PCDHGA5: variants seen among roughly 807,000 people sequenced by gnomAD.
PCDHGA5 encodes protocadherin gamma-A5.
PCDHGA5 carries 36 observed loss-of-function variants against 56.7 expected under a neutral mutation model. The ratio of observed to expected loss-of-function variants is 0.64; its 90% CI spans 0.49 to 0.84. PCDHGA5 has a LOEUF of 0.84. Among genes scored for constraint, PCDHGA5 ranks in the 40% least tolerant of loss-of-function variants. PCDHGA5 has a pLI of 0.00. For synonymous variants in PCDHGA5, 563 were observed against 520.2 expected, an observed-to-expected ratio of 1.08 and a Z score of -1.12; for missense variants, 1,305 against 1,201.5, an observed-to-expected ratio of 1.09 and a Z score of -1.27.
rs142172414 is a variant in PCDHGA5, at chr5:141,477,145, G to A, written c.2422-17662G>A. On this transcript the variant is annotated intron_variant, in intron 1 of 3. Coordinates refer to ENST00000518069, the MANE Select transcript of PCDHGA5 (RefSeq NM_018918.3). The surrounding 1 kb of genome is among the most constrained non-coding windows in gnomAD (Gnocchi z 4.9). ...ATTGCAAAGTGTTGGTGGAGGTTGT[G>A]GATGTGAATGACAACGCCCCGGAGA... The A allele has an allele frequency of 3.7e-6, 6 of 1,614,054 alleles. No homozygotes were observed. The African/African-American group carries it at 8.0e-5, about 22-fold the overall frequency.
chr5:141,486,278 G>A lies in PCDHGA5; in HGVS notation c.2422-8529G>A. The A allele has an allele frequency of 1.2e-6, 2 of 1,614,088 alleles. No individual in the cohort carries two copies. Among genetic ancestry groups the A allele is most frequent in the South Asian group, 2.2e-5 (2 of 91,068 alleles). On this transcript the variant is annotated intron_variant, in intron 1 of 3. Transcript: ENST00000518069. This position sits in a 1 kb window ranked among gnomAD's most constrained non-coding sequence, Gnocchi z 5.0. The stretch of plus-strand genomic sequence containing the variant: ...CGAGAGTGCAGAACCTGGCACTGTG[G>A]TGGCACTTATCAGTGTGCAGGATCC...
rs752011641 is a variant in PCDHGA5 at position 141,490,299 on chromosome 5, C to T, written c.2422-4508C>T. 1.2e-6 allele frequency: 2 copies of T among 1,614,068 alleles called. No homozygotes were observed. Among genetic ancestry groups the T allele is most frequent in the East Asian group, 2.2e-5 (1 of 44,896 alleles). Reference sequence around the variant, plus strand: ...ACAATGCCCCAGAGGTGCTATTGGCCTCTTTGGCCAACCCTGTCCTAGAGA... The same window carrying T: ...ACAATGCCCCAGAGGTGCTATTGGCTTCTTTGGCCAACCCTGTCCTAGAGA... On this transcript the variant is annotated intron_variant, in intron 1 of 3. Coordinates refer to ENST00000518069, the MANE Select transcript of PCDHGA5 (RefSeq NM_018918.3). The surrounding 1 kb of genome is among the most constrained non-coding windows in gnomAD (Gnocchi z 5.4).
At chr5:141,463,844 G>T (rs545618795) in intron 1 of PCDHGA5, among the ~76,000 whole-genome samples, 1 of 152,140 alleles carries the variant, frequency 6.6e-6, no homozygotes, top group African/African-American at 2.4e-5. Context: ...AGTTGTTATA[G>T]TGGTATATCT....
At chr5:141,482,239 A>G (rs529504334) in intron 1 of PCDHGA5, among the ~76,000 whole-genome samples, 31 of 152,332 alleles carry the variant, frequency 2.0e-4, no homozygotes, top group Middle Eastern at 3.4e-3. Context: ...TGCCAATATA[A>G]GTATAGTACT....
intron 1 of PCDHGA5, chr5:141,392,409 A>G (rs1308940731): frequency 6.4e-6 from 1 of 156,720 alleles, no homozygotes; most frequent in African/African-American, 2.4e-5. Context: ...ACTAAATAAA[A>G]CCTTCATCTC....
chr5:141,452,701 G>A (rs2098747163), intron 1 of PCDHGA5, among the ~76,000 whole-genome samples: 1 of 151,838 alleles, frequency 6.6e-6, no homozygotes, highest in Non-Finnish European at 1.5e-5. Context: ...TGTCAAGAAA[G>A]AAAGGAAGGA....
intron 1 of PCDHGA5, among the ~76,000 whole-genome samples, chr5:141,434,195 T>C (rs1561872734): frequency 6.6e-6 from 1 of 151,916 alleles, no homozygotes; most frequent in Non-Finnish European, 1.5e-5. Flanking sequence ...AATTCCAATG[T>C]ACTTACTTCT....
chr5:141,404,075 G>C (rs2154534954), intron 1 of PCDHGA5: 2 of 1,613,660 alleles, frequency 1.2e-6, no homozygotes, highest in East Asian at 2.2e-5. Flanking sequence ...TCATGACCGA[G>C]ACTCCGGGAA....
chr5:141,416,130 C>T (rs907950687), intron 1 of PCDHGA5: 1 of 154,098 alleles, frequency 6.5e-6, no homozygotes, highest in African/African-American at 2.4e-5. Context: ...ATATATTTTT[C>T]AATCTATACT....
intron 1 of PCDHGA5, chr5:141,408,319 G>T: frequency 6.2e-7 from 1 of 1,613,896 alleles, no homozygotes; most frequent in Non-Finnish European, 8.5e-7. Context: ...CGATTCCGGA[G>T]GAGCTGGCCA....
In PCDHGA5 at chr5:141,365,492, A is replaced by G; in HGVS notation, c.1162A>G (p.Arg388Gly). ...ENGEIACSIP[R>G]NLPFKLEKSV... ...TGGTGAGATTGCATGCTCTATTCCT[A>G]GGAATTTGCCTTTTAAATTGGAGAA... is the stretch of plus-strand genomic sequence containing the variant. The change falls in exon 1 of 4, where the codon AGG becomes GGG. Residue 388 changes from arginine to glycine, a missense_variant. Coordinates refer to ENST00000518069, the MANE Select transcript of PCDHGA5 (RefSeq NM_018918.3). 6.2e-7 allele frequency: 1 copy of G among 1,613,970 alleles called. No individual in the cohort carries two copies. The highest frequency in any genetic ancestry group is 8.5e-7 in the Non-Finnish European group (1 of 1,179,878).
At chr5:141,452,076 G>A (rs978382005) in intron 1 of PCDHGA5, among the ~76,000 whole-genome samples, 3 of 152,092 alleles carry the variant, frequency 2.0e-5, no homozygotes, top group Non-Finnish European at 2.9e-5. Flanking sequence ...TTATTAGTTG[G>A]CATTATACAG....
At chr5:141,395,029 A>G (rs1589250627) in intron 1 of PCDHGA5, 1 of 1,613,976 alleles carries the variant, frequency 6.2e-7, no homozygotes, top group Non-Finnish European at 8.5e-7. Context: ...CCTGCCTCAC[A>G]TTTTGTGGGT....
At position 141,438,611 on chromosome 5, in the gene PCDHGA5, TATATATATATATATATATATATATACAC is replaced by T. The variant is rs1434670383; in HGVS notation, c.2422-56194_2422-56167del. On this transcript the variant is annotated intron_variant, in intron 1 of 3. Transcript: ENST00000518069. ...ACATACATATATATATATATATATA[TATATATATATATATATATATATATACAC>T]ACACACACACACATATATGTATATA... Among the ~76,000 whole-genome samples the T allele has an allele frequency of 2.7e-3, 107 of 39,370 alleles. 2 individuals are homozygous for T. Among genetic ancestry groups the T allele is most frequent in the Admixed American group, 0.019 (57 of 3,044 alleles). The allele number at this position is 39,370 out of a possible 152,430, so 25.8% of individuals were successfully genotyped here.
intron 1 of PCDHGA5, chr5:141,428,003 C>A (rs1175875944): frequency 2.5e-6 from 4 of 1,601,244 alleles, no homozygotes; most frequent in Non-Finnish European, 3.4e-6. Context: ...CCGCACTCTT[C>A]GATATAGTGC....
At chr5:141,388,793 T>A (rs1441605740) in intron 1 of PCDHGA5, 2 of 1,613,918 alleles carry the variant, frequency 1.2e-6, no homozygotes, top group Admixed American at 3.3e-5. Flanking sequence ...CTGTTTTAAA[T>A]ACATTAGATT....
intron 2 of PCDHGA5, among the ~76,000 whole-genome samples, chr5:141,498,747 C>T (rs1363145286): frequency 6.6e-6 from 1 of 152,106 alleles, no homozygotes; most frequent in Non-Finnish European, 1.5e-5. Context: ...GCCTGGCCAA[C>T]ATGATGAAAC....
At chr5:141,419,642 G>A (rs376762490) in intron 1 of PCDHGA5, 1 of 1,612,412 alleles carries the variant, frequency 6.2e-7, no homozygotes, top group African/African-American at 1.3e-5. Context: ...GGTGGCCGTG[G>A]ACGCGGACTC....
rs1210499024 is a variant in PCDHGA5 at position 141,431,784 on chromosome 5, A to T, written c.2422-63023A>T. ...CTGATCACTGTTCTGGACGTGAACG[A>T]CAATGCCCCAGAAGTGGTCCTCACC... On this transcript the variant is annotated intron_variant, in intron 1 of 3. Transcript: ENST00000518069. This position sits in a 1 kb window ranked among gnomAD's most constrained non-coding sequence, Gnocchi z 4.8. The T allele has an allele frequency of 6.2e-7, 1 of 1,614,102 alleles. No homozygotes were observed. The highest frequency in any genetic ancestry group is 8.5e-7 in the Non-Finnish European group (1 of 1,180,030).
Sources: allele counts gnomAD v4.1 joint callset (sites outside exome capture counted in the v4.1 genomes callset), GRCh38; gene constraint gnomAD v4.1.1; non-coding constraint Gnocchi (gnomAD v3.1); transcripts MANE v1.5; gene names NCBI Gene and HGNC (gene_info 2026-07-23, HGNC 2026-07-21).